Variants in CTPS2 observed in about 807,000 individuals in gnomAD.
CTPS2 encodes CTP synthase II.
CTPS2 carries 19 observed loss-of-function variants against 46.8 expected under a neutral mutation model. The observed-to-expected ratio is 0.41, with a 90% CI of 0.28 to 0.60. The LOEUF is 0.60. CTPS2 is among the 20% of genes least tolerant of loss of function. The probability of loss-of-function intolerance (pLI) is 0.35; values close to 1 mark genes in which losing one functional copy is unlikely to be tolerated. For missense variants in CTPS2, 286 were observed against 447.6 expected (o/e 0.64, Z 3.26); for synonymous variants, 151 against 165.2 (o/e 0.91, Z 0.66).
At chrX:16,625,631 T>A (rs1931088988) in intron 14 of CTPS2, among the ~76,000 whole-genome samples, 1 of 111,619 alleles carries the variant, frequency 9.0e-6, no homozygotes, top group Admixed American at 9.5e-5. Flanking sequence ...TTGTCCGGAA[T>A]TCAGAAAGAA....
chrX:16,617,395 C>T, intron 15 of CTPS2, 149 bp from the exon 16 acceptor site: 1 of 344,675 alleles, frequency 2.9e-6, no homozygotes. Context: ...CAATTTTAAA[C>T]TAATGATGAA....
intron 13 of CTPS2, among the ~76,000 whole-genome samples, chrX:16,667,276 G>A (rs895775343): frequency 3.7e-5 from 4 of 109,379 alleles, no homozygotes; most frequent in East Asian, 5.7e-4. Context: ...GATATTACAC[G>A]CATCTGCCAC....
Position 16,702,870 on chromosome X carries a change from G to A in CTPS2, c.33C>T (p.Ile11=), listed in dbSNP as rs1245046539. Residue 11 remains isoleucine (I), a synonymous_variant, in exon 2 of 19, where the codon ATC becomes ATT. Transcript: ENST00000359276. Reference sequence around the variant, plus strand: ...CAATGATCCCTTTACCAATGCCTGAGATGACCCCACCCGTGACCAGGATGT... The same window carrying A: ...CAATGATCCCTTTACCAATGCCTGAAATGACCCCACCCGTGACCAGGATGT... The part of the protein sequence containing the change: MKYILVTGGV[I]SGIGKGIIAS... The A allele has an allele frequency of 8.3e-7, 1 of 1,210,742 alleles. No individual in the cohort carries two copies. Among genetic ancestry groups the A allele is most frequent in the Admixed American group, 2.2e-5 (1 of 45,910 alleles).
intron 16 of CTPS2, among the ~76,000 whole-genome samples, chrX:16,616,848 C>A (rs761530868): frequency 2.9e-4 from 32 of 111,070 alleles, no homozygotes; most frequent in Non-Finnish European, 5.3e-4. Flanking sequence ...GTGCACGCCA[C>A]CACACCTGGC....
intron 8 of CTPS2, among the ~76,000 whole-genome samples, chrX:16,687,526 G>A (rs1046452953): frequency 3.8e-5 from 4 of 105,278 alleles, no homozygotes; most frequent in Admixed American, 1.0e-4. Flanking sequence ...AAGCATAAAC[G>A]CATAGAGTAT....
At chrX:16,595,999 G>A (rs1929229170) in intron 17 of CTPS2, among the ~76,000 whole-genome samples, 1 of 111,292 alleles carries the variant, frequency 9.0e-6, no homozygotes, top group African/African-American at 3.3e-5. Flanking sequence ...CTCCCGAGTA[G>A]CTGGGACTAC....
At chrX:16,607,379 A>G (rs1389753626) in intron 17 of CTPS2, among the ~76,000 whole-genome samples, 1 of 112,167 alleles carries the variant, frequency 8.9e-6, no homozygotes, top group Non-Finnish European at 1.9e-5. Context: ...TTCAGATGAA[A>G]TCTCTCTTGC....
chrX:16,683,235 G>C lies in CTPS2; in HGVS notation c.873-9C>G, dbSNP rs1420465445. 8.3e-7 allele frequency: 1 copy of C among 1,207,740 alleles called. No individual in the cohort carries two copies. Reference sequence around the variant, plus strand: ...TCTGTAACCTTTCATACCTGGGAAAGAAAACAAACTCAAAGGTTATATGCA... The same window carrying C: ...TCTGTAACCTTTCATACCTGGGAAACAAAACAAACTCAAAGGTTATATGCA... On this transcript the variant is annotated splice_polypyrimidine_tract_variant and intron_variant, in intron 8 of 18. Transcript: ENST00000359276.
intron 13 of CTPS2, among the ~76,000 whole-genome samples, chrX:16,651,327 C>T (rs1039225315): frequency 1.8e-5 from 2 of 111,381 alleles, no homozygotes; most frequent in African/African-American, 6.5e-5. Context: ...AAGGGCCAAG[C>T]CTTCTATCCC....
At chrX:16,616,005 T>C (rs922082373) in intron 16 of CTPS2, among the ~76,000 whole-genome samples, 6 of 112,190 alleles carry the variant, frequency 5.3e-5, no homozygotes, top group African/African-American at 1.9e-4. Context: ...TATTCTTTTT[T>C]AAATTTTTTT....
chrX:16,711,992 G>A (rs1039207397), intron 1 of CTPS2: 1 of 110,994 alleles, frequency 9.0e-6, no homozygotes, highest in African/African-American at 3.3e-5. Context: ...GGCTCCCGAG[G>A]GCCGGGAGAA....
chrX:16,661,785 G>T (rs1050981966), intron 13 of CTPS2, among the ~76,000 whole-genome samples: 3 of 111,019 alleles, frequency 2.7e-5, no homozygotes, highest in Non-Finnish European at 5.7e-5. Context: ...AAAATGCTTT[G>T]AATTTCTCCC....
chrX:16,626,242 C>G (rs1408334201), intron 14 of CTPS2, among the ~76,000 whole-genome samples: 2 of 110,910 alleles, frequency 1.8e-5, no homozygotes, highest in Non-Finnish European at 3.8e-5. Flanking sequence ...ATTAGCTGGG[C>G]GTGGTGGTGG....
At chrX:16,695,146 G>GA (rs11379303) in intron 4 of CTPS2, among the ~76,000 whole-genome samples, 60,898 of 110,449 alleles carry the variant, frequency 0.55, 13,779 homozygotes, top group African/African-American at 0.86. Flanking sequence ...TTTTTCTAAG[G>GA]AAAACCAGAG....
intron 10 of CTPS2, among the ~76,000 whole-genome samples, chrX:16,673,258 G>A (rs1018566312): frequency 9.0e-6 from 1 of 111,075 alleles, no homozygotes; most frequent in African/African-American, 3.3e-5. Flanking sequence ...CATAATGAGG[G>A]GTCTTAGGAT....
chrX:16,612,488 C>T (rs6629158), intron 16 of CTPS2, among the ~76,000 whole-genome samples: 21,375 of 111,555 alleles, frequency 0.19, 1,617 homozygotes, highest in Middle Eastern at 0.29. Flanking sequence ...ACAATAATGA[C>T]AACCAGAAGA....
rs1187609392 is a variant in CTPS2, at chrX:16,712,412, C to G, written c.-117G>C. ...CACCCCGCGGCTGGCCTGGCGCTCA[C>G]CTGTCGGGCTGGGGAAGGGGTCGCT... On this transcript the variant is annotated 5_prime_UTR_variant, in exon 1 of 19. Transcript: ENST00000359276. The G allele has an allele frequency of 1.8e-5, 2 of 112,402 alleles. No homozygotes were observed. The highest frequency in any genetic ancestry group is 6.5e-5 in the African/African-American group (2 of 30,989). 9.3% of individuals were successfully genotyped at this position (112,402 alleles called of 1,213,427 possible). A position where few individuals can be genotyped will look rare whatever the true frequency, so the allele number is the denominator to read the frequency against.
At chrX:16,692,722 G>A (rs1178275086) in intron 6 of CTPS2, among the ~76,000 whole-genome samples, 5 of 110,847 alleles carry the variant, frequency 4.5e-5, no homozygotes, top group African/African-American at 9.8e-5. Flanking sequence ...CACAGGAGCC[G>A]TTTGAGAATG....
chrX:16,686,790 G>A (rs1287635592), intron 8 of CTPS2, among the ~76,000 whole-genome samples: 1 of 111,580 alleles, frequency 9.0e-6, no homozygotes, highest in African/African-American at 3.3e-5. Context: ...TGTAGTCCCA[G>A]CTACCTGGGA....
Sources: allele counts gnomAD v4.1 joint callset (sites outside exome capture counted in the v4.1 genomes callset), GRCh38; gene constraint gnomAD v4.1.1; transcripts MANE v1.5; gene names NCBI Gene and HGNC (gene_info 2026-07-23, HGNC 2026-07-21).